The following SGK1 variants were observed in gnomAD, a reference collection of about 807,000 sequenced individuals.
SGK1 encodes the protein serine/threonine-protein kinase Sgk1.
A neutral mutation model predicts 64.2 loss-of-function variants in SGK1; 26 were observed. The observed-to-expected ratio is 0.40, with a 90% confidence interval of 0.30 to 0.56. The LOEUF (loss-of-function observed/expected upper bound fraction) is 0.56. SGK1 is among the 20% of genes least tolerant of loss of function. SGK1 has a pLI of 0.38. For missense variants in SGK1, 519 were observed against 645.6 expected (o/e 0.80, Z 2.12); for synonymous variants, 265 against 239.7 (o/e 1.11, Z -0.98).
At chr6:134,174,874 C>G in intron 3 of SGK1, 2 of 1,608,238 alleles carry the variant, frequency 1.2e-6, no homozygotes, top group South Asian at 2.2e-5. Flanking sequence ...TGCGCCAGGC[C>G]GCGCGCTCGG....
Position 134,172,296 on chromosome 6 carries a change from ATATTCTCTGGTTT to A in SGK1, c.955_967del (p.Lys319PhefsTer3), listed in dbSNP as rs1775055044. 1 of 1,613,108 alleles carries A rather than the reference ATATTCTCTGGTTT, an allele frequency of 6.2e-7. No individual in the cohort carries two copies. The highest frequency in any genetic ancestry group is 8.5e-7 in the Non-Finnish European group (1 of 1,179,640). On this transcript the variant is annotated frameshift_variant, in exon 10 of 14. Coordinates refer to ENST00000367858, the MANE Select transcript of SGK1 (RefSeq NM_001143676.3). LOFTEE classifies it high-confidence loss of function. ...AATGTGTCCCTGTGAATCTAGCAAAATATTCTCTGGTTTTAAGTCTCTGTAAAAAAGTGAATAG... is the reference window on the plus strand; with the variant it reads ...AATGTGTCCCTGTGAATCTAGCAAAATAAGTCTCTGTAAAAAAGTGAATAG...
chr6:134,229,734 G>C (rs797006147), intron 2 of SGK1, among the ~76,000 whole-genome samples: 5 of 152,278 alleles, frequency 3.3e-5, no homozygotes, highest in African/African-American at 1.2e-4. Flanking sequence ...TCTGCGGTGA[G>C]TTCCTCTTTG....
chr6:134,239,073 C>T (rs1776406341), intron 2 of SGK1, among the ~76,000 whole-genome samples: 1 of 152,200 alleles, frequency 6.6e-6, no homozygotes, highest in Non-Finnish European at 1.5e-5. Context: ...TGAACGCATA[C>T]TTGGCAAGAA....
At position 134,214,461 on chromosome 6, in the gene SGK1, C is replaced by A. The variant is rs573799905; in HGVS notation, c.286-7030G>T. ...CAAAAATTAGCTGGGTGTGGTGGCG[C>A]ATGCCTATAATCCCAGCTACTCAGG... On this transcript the variant is annotated intron_variant, in intron 2 of 13. Transcript: ENST00000367858. Among the ~76,000 whole-genome samples the A allele has an allele frequency of 4.6e-5, 7 of 152,122 alleles. No homozygotes were observed. The South Asian group carries it at 1.5e-3, about 32-fold the overall frequency.
chr6:134,272,159 G>C (rs1378370889), intron 1 of SGK1, among the ~76,000 whole-genome samples: 1 of 103,846 alleles, frequency 9.6e-6, no homozygotes, highest in East Asian at 3.4e-4. Context: ...TTTTTTTCTT[G>C]AGACGGACTC....
intron 2 of SGK1, among the ~76,000 whole-genome samples, chr6:134,255,323 A>T (rs1776665792): frequency 6.6e-6 from 1 of 152,098 alleles, no homozygotes; most frequent in African/African-American, 2.4e-5. Context: ...TACCTATCTC[A>T]GTTATCACAT....
At chr6:134,218,630 C>T (rs1244235744) in intron 2 of SGK1, 1 of 152,024 alleles carries the variant, frequency 6.6e-6, no homozygotes, top group Non-Finnish European at 1.5e-5. Flanking sequence ...CAGGGTTTCA[C>T]CATATTGGCC....
At chr6:134,314,809 T>C (rs891254112) in intron 1 of SGK1, among the ~76,000 whole-genome samples, 2 of 145,384 alleles carry the variant, frequency 1.4e-5, no homozygotes, top group African/African-American at 2.5e-5. Context: ...TTTTTTTTTT[T>C]CCAAAATCTA....
chr6:134,186,564 T>C (rs1477633078), intron 3 of SGK1, among the ~76,000 whole-genome samples: 1 of 152,228 alleles, frequency 6.6e-6, no homozygotes, highest in Non-Finnish European at 1.5e-5. Flanking sequence ...CACGTGATCA[T>C]AGCTGGTATT....
intron 1 of SGK1, among the ~76,000 whole-genome samples, chr6:134,312,744 G>A (rs1777624701): frequency 6.6e-6 from 1 of 151,842 alleles, no homozygotes; most frequent in African/African-American, 2.4e-5. Context: ...AATAATAAAA[G>A]TACCTATCTC....
chr6:134,171,575 CTG>C (rs1330180164), intron 11 of SGK1, 60 bp downstream of exon 11: 14 of 1,175,160 alleles, frequency 1.2e-5, no homozygotes, highest in Non-Finnish European at 1.8e-5. Context: ...CAAGCATGGG[CTG>C]TGTGAAGGCA....
chr6:134,240,501 C>T (rs1030642299), intron 2 of SGK1, among the ~76,000 whole-genome samples: 4 of 151,306 alleles, frequency 2.6e-5, no homozygotes, highest in Non-Finnish European at 5.9e-5. Flanking sequence ...CTGGCTCTGC[C>T]GCTGAATATC....
intron 2 of SGK1, among the ~76,000 whole-genome samples, chr6:134,218,441 T>C (rs534413250): frequency 3.4e-4 from 50 of 148,082 alleles, no homozygotes; most frequent in South Asian, 1.7e-3. Context: ...TTTTTTCTTT[T>C]TTTTTTTTTT....
chr6:134,274,970 A>G (rs1776998757), intron 1 of SGK1, among the ~76,000 whole-genome samples: 1 of 152,020 alleles, frequency 6.6e-6, no homozygotes. Flanking sequence ...ATGCCCTGCT[A>G]ATTTTTGTAT....
chr6:134,296,598 A>G (rs1486364547), intron 1 of SGK1, among the ~76,000 whole-genome samples: 1 of 152,138 alleles, frequency 6.6e-6, no homozygotes, highest in African/African-American at 2.4e-5. Context: ...CTGAGATTAC[A>G]GGCGTGAACC....
chr6:134,194,174 T>C (rs977857980), intron 3 of SGK1, among the ~76,000 whole-genome samples: 6 of 152,116 alleles, frequency 3.9e-5, no homozygotes, highest in Non-Finnish European at 5.9e-5. Context: ...GGAAATCTTT[T>C]TTTTTTTTTC....
chr6:134,225,355 A>AG (rs1776158779), intron 2 of SGK1, among the ~76,000 whole-genome samples: 1 of 151,122 alleles, frequency 6.6e-6, no homozygotes, highest in African/African-American at 2.4e-5. Flanking sequence ...CATCTCGGAA[A>AG]AAAAAAAAAA....
intron 2 of SGK1, among the ~76,000 whole-genome samples, chr6:134,241,520 C>T (rs920503179): frequency 3.3e-5 from 5 of 151,770 alleles, no homozygotes; most frequent in Non-Finnish European, 7.4e-5. Context: ...GAATGCTGAG[C>T]CTCTCCCTCC....
At chr6:134,266,482 G>T (rs1042239468) in intron 1 of SGK1, among the ~76,000 whole-genome samples, 1 of 151,950 alleles carries the variant, frequency 6.6e-6, no homozygotes, top group Admixed American at 6.6e-5. Context: ...GGGCGTGGTG[G>T]TGCACACCCG....
Sources: allele counts gnomAD v4.1 joint callset (sites outside exome capture counted in the v4.1 genomes callset), GRCh38; gene constraint gnomAD v4.1.1; transcripts MANE v1.5; gene names NCBI Gene and HGNC (gene_info 2026-07-23, HGNC 2026-07-21).